Variants in EYA1 observed in about 807,000 individuals in gnomAD.
EYA1 encodes protein phosphatase EYA1.
A neutral mutation model predicts 82.0 loss-of-function variants in EYA1; 16 were observed. The observed-to-expected ratio is 0.20, with a 90% CI of 0.13 to 0.30. The LOEUF (loss-of-function observed/expected upper bound fraction) is 0.30. EYA1 is among the 10% of genes least tolerant of loss of function. EYA1 has a pLI of 1.00. For synonymous variants in EYA1, 261 were observed against 264.4 expected (o/e 0.99, Z 0.12); for missense variants, 633 against 730.7 (o/e 0.87, Z 1.54).
rs1378359746 is a variant in EYA1 at position 71,321,852 on chromosome 8, G to C, written c.300C>G (p.Thr100=). Residue 100 remains threonine (T), a synonymous_variant, in exon 6 of 18, where the codon ACC becomes ACG. Transcript: ENST00000340726. ...SNRPYPHILP[T]PSSQTMAAYG... is the part of the protein sequence containing the mutation. ...ATGCAGCCATAGTTTGTGAGGAAGGGGTAGGGAGAATATGTGGGTATGGTC... is the reference window on the plus strand; with the variant it reads ...ATGCAGCCATAGTTTGTGAGGAAGGCGTAGGGAGAATATGTGGGTATGGTC... 6.2e-7 allele frequency: 1 copy of C among 1,614,102 alleles called. No individual in the cohort carries two copies. The highest frequency in any genetic ancestry group is 8.5e-7 in the Non-Finnish European group (1 of 1,180,058).
At chr8:71,436,307 G>A (rs1008341917) in intron 2 of EYA1, among the ~76,000 whole-genome samples, 4 of 151,886 alleles carry the variant, frequency 2.6e-5, no homozygotes, top group African/African-American at 9.7e-5. Context: ...AAAAAGAATT[G>A]TTTCAAATAA....
intron 2 of EYA1, among the ~76,000 whole-genome samples, chr8:71,510,895 C>A (rs1438398676): frequency 6.6e-6 from 1 of 152,228 alleles, no homozygotes. Flanking sequence ...TCAGCTAGAT[C>A]TTTCTTTCTT....
At chr8:71,536,619 CT>C (rs1289036558) in intron 1 of EYA1, among the ~76,000 whole-genome samples, 1 of 152,184 alleles carries the variant, frequency 6.6e-6, no homozygotes, top group Non-Finnish European at 1.5e-5. Context: ...GGCTTTCTTG[CT>C]TGAGCTTGGC....
At chr8:71,382,066 A>G (rs1291690735) in intron 2 of EYA1, among the ~76,000 whole-genome samples, 1 of 152,214 alleles carries the variant, frequency 6.6e-6, no homozygotes. Context: ...AAAGATGAGA[A>G]GAAACAGAAT....
intron 3 of EYA1, among the ~76,000 whole-genome samples, chr8:71,353,637 A>C (rs186924924): frequency 6.6e-6 from 1 of 152,248 alleles, no homozygotes; most frequent in East Asian, 1.9e-4. Context: ...AACTGATTTT[A>C]TATCTTTCCT....
chr8:71,404,625 C>T (rs531012880), intron 2 of EYA1: 1 of 152,180 alleles, frequency 6.6e-6, no homozygotes, highest in Non-Finnish European at 1.5e-5. Flanking sequence ...TGTTAAGATT[C>T]AGAAATATAT....
intron 1 of EYA1, among the ~76,000 whole-genome samples, chr8:71,545,744 G>C (rs1815509406): frequency 6.6e-6 from 1 of 151,684 alleles, no homozygotes; most frequent in African/African-American, 2.4e-5. Context: ...TGTATTTTTA[G>C]TAGTGGCAGG....
chr8:71,456,999 G>T (rs1416271254), intron 2 of EYA1, among the ~76,000 whole-genome samples: 2 of 152,078 alleles, frequency 1.3e-5, no homozygotes, highest in Non-Finnish European at 2.9e-5. Context: ...GAAAATTTTT[G>T]CAATCTACTC....
chr8:71,533,189 T>TTATG (rs1404457633), intron 2 of EYA1, among the ~76,000 whole-genome samples: 2 of 152,216 alleles, frequency 1.3e-5, no homozygotes, highest in Non-Finnish European at 2.9e-5. Flanking sequence ...CTCTTCCAAT[T>TTATG]TATGACACAA....
At position 71,361,862 on chromosome 8, in the gene EYA1, G is replaced by GCTGC; in HGVS notation, c.-274_-271dup. On this transcript the variant is annotated 5_prime_UTR_variant, in exon 1 of 18. The change abolishes the stop of an existing upstream ORF in the 5' untranslated region. Coordinates refer to ENST00000340726, the MANE Select transcript of EYA1 (RefSeq NM_000503.6). ...CGCCTGGCCGCTGCCGCAGGCTCGG[G>GCTGC]CTGCCGAGCGACTGAGCGAAAACGT... is the stretch of plus-strand genomic sequence containing the variant. The GCTGC allele has an allele frequency of 1.0e-6, 1 of 985,450 alleles. No homozygotes were observed. Among genetic ancestry groups the GCTGC allele is most frequent in the Non-Finnish European group, 1.2e-6 (1 of 829,948 alleles). The allele number at this position is 985,450 out of a possible 1,614,324, so 61.0% of individuals were successfully genotyped here.
intron 3 of EYA1, among the ~76,000 whole-genome samples, chr8:71,343,376 G>T (rs1825361202): frequency 6.6e-6 from 1 of 152,142 alleles, no homozygotes. Flanking sequence ...TGTCAGTATT[G>T]AAAGATGGGA....
Position 71,199,436 on chromosome 8 carries a change from A to T in EYA1, c.1699-16T>A, listed in dbSNP as rs1806646999. On this transcript the variant is annotated splice_polypyrimidine_tract_variant and intron_variant, in intron 17 of 17. Coordinates refer to ENST00000340726, the MANE Select transcript of EYA1 (RefSeq NM_000503.6). ...GCATCGCGTGCTGCAGCAGAGGCAC[A>T]CATACATGTGAGGACAGAGCACCCA... 6.2e-7 allele frequency: 1 copy of T among 1,603,924 alleles called. No individual in the cohort carries two copies.
At chr8:71,437,844 T>C (rs1247843387) in intron 2 of EYA1, among the ~76,000 whole-genome samples, 1 of 151,840 alleles carries the variant, frequency 6.6e-6, no homozygotes, top group Non-Finnish European at 1.5e-5. Context: ...TTCTATACCA[T>C]GAGACAAGCA....
At chr8:71,343,736 G>C (rs1048423869) in intron 3 of EYA1, among the ~76,000 whole-genome samples, 1 of 152,146 alleles carries the variant, frequency 6.6e-6, no homozygotes, top group Non-Finnish European at 1.5e-5. Context: ...AAATAAACTA[G>C]TACAGTTGGA....
At chr8:71,323,457 A>G (rs978759842) in intron 4 of EYA1, among the ~76,000 whole-genome samples, 14 of 152,088 alleles carry the variant, frequency 9.2e-5, no homozygotes, top group African/African-American at 3.4e-4. Flanking sequence ...CTCAAATTTA[A>G]TTTTCTAGCT....
intron 2 of EYA1, among the ~76,000 whole-genome samples, chr8:71,474,255 A>AAGAAGC (rs1405632559): frequency 1.3e-5 from 2 of 152,040 alleles, no homozygotes; most frequent in African/African-American, 2.4e-5. Flanking sequence ...GAAGAAGAAG[A>AAGAAGC]AGAAGCAGAA....
chr8:71,213,882 A>T (rs144725591), intron 16 of EYA1, among the ~76,000 whole-genome samples: 63 of 152,326 alleles, frequency 4.1e-4, no homozygotes, highest in Admixed American at 3.1e-3. Context: ...CATTCAACAA[A>T]TTCATCTCTA....
At chr8:71,237,804 T>C (rs1172140156) in intron 12 of EYA1, among the ~76,000 whole-genome samples, 2 of 152,182 alleles carry the variant, frequency 1.3e-5, no homozygotes, top group Non-Finnish European at 2.9e-5. Context: ...AATATGTGTG[T>C]ATATTCCTCA....
At chr8:71,277,898 T>C (rs114688764) in intron 9 of EYA1, among the ~76,000 whole-genome samples, 4,089 of 152,322 alleles carry the variant, frequency 0.027, 200 homozygotes, top group African/African-American at 0.093. Context: ...TAAAAGTTAA[T>C]GTTTATATAT....
Sources: allele counts gnomAD v4.1 joint callset (sites outside exome capture counted in the v4.1 genomes callset), GRCh38; gene constraint gnomAD v4.1.1; transcripts MANE v1.5; gene names NCBI Gene and HGNC (gene_info 2026-07-23, HGNC 2026-07-21).